FAM91A1: variants seen among roughly 807,000 people sequenced by gnomAD.
FAM91A1 encodes family with sequence similarity 91 member A1.
A neutral mutation model predicts 113.5 loss-of-function variants in FAM91A1; 41 were observed. That is an observed-to-expected ratio of 0.36 (90% confidence interval 0.28 to 0.47). FAM91A1 has a LOEUF of 0.47. Ranked by LOEUF, FAM91A1 falls within the 20% of genes least tolerant of loss-of-function variation. The pLI is 1.00. For synonymous variants in FAM91A1, 307 were observed against 347.9 expected (o/e 0.88, Z 1.31); for missense variants, 696 against 1,001.2 (o/e 0.70, Z 4.11).
intron 1 of FAM91A1, among the ~76,000 whole-genome samples, chr8:123,770,531 T>G (rs911342471): frequency 4.6e-5 from 7 of 152,158 alleles, no homozygotes; most frequent in Non-Finnish European, 1.5e-5. Context: ...TAAAGGACAC[T>G]TTTGTACTTT....
intron 16 of FAM91A1, 104 bp downstream of exon 16, chr8:123,798,342 GA>G (rs1443375968): frequency 1.5e-6 from 2 of 1,339,734 alleles, no homozygotes; most frequent in Non-Finnish European, 2.0e-6. Context: ...CTGAATCATA[GA>G]AAGCAATTTT....
intron 23 of FAM91A1, among the ~76,000 whole-genome samples, chr8:123,811,870 GT>G (rs1192922137): frequency 1.3e-5 from 2 of 151,926 alleles, no homozygotes; most frequent in Admixed American, 1.3e-4. Flanking sequence ...TTTTTTGTTT[GT>G]TTGTTTTGTT....
At chr8:123,810,243 T>C (rs779600898) in intron 22 of FAM91A1, 39 bp from the exon 23 acceptor site, 2 of 1,576,592 alleles carry the variant, frequency 1.3e-6, no homozygotes, top group South Asian at 2.4e-5. Flanking sequence ...CTTGCCTTTA[T>C]GTTTGTTTTA....
intron 18 of FAM91A1, among the ~76,000 whole-genome samples, chr8:123,804,205 C>T (rs763858551): frequency 1.7e-4 from 25 of 151,476 alleles, no homozygotes; most frequent in South Asian, 2.1e-4. Context: ...AGGTGTAGAG[C>T]CTGGGCGCGG....
At chr8:123,800,210 G>A (rs1815640286) in intron 18 of FAM91A1, among the ~76,000 whole-genome samples, 1 of 151,772 alleles carries the variant, frequency 6.6e-6, no homozygotes, top group Non-Finnish European at 1.5e-5. Flanking sequence ...CCCAGGGGTT[G>A]CCTGAAACCA....
chr8:123,781,229 A>G (rs544820347), intron 8 of FAM91A1, among the ~76,000 whole-genome samples: 2 of 152,152 alleles, frequency 1.3e-5, no homozygotes, highest in East Asian at 1.9e-4. Context: ...TCTTTTAACT[A>G]TTGTTCTTGT....
rs372640947 is a variant in FAM91A1, at chr8:123,806,146, A to G, written c.1949A>G (p.Gln650Arg). Residue 650 changes from glutamine to arginine, a missense_variant, in exon 20 of 24, where the codon CAG (glutamine) becomes CGG (arginine). Transcript: ENST00000334705. ...ATACTAAGGAACAGAGTGGACTTACAGCATCTCTGTGGATATGTCACCATG... is the reference window on the plus strand; with the variant it reads ...ATACTAAGGAACAGAGTGGACTTACGGCATCTCTGTGGATATGTCACCATG... Reference protein sequence around the residue: ...LQILRNRVDLQHLCGYVTMLN... With the variant: ...LQILRNRVDLRHLCGYVTMLN... The G allele has an allele frequency of 5.6e-6, 9 of 1,613,502 alleles. No homozygotes were observed. The highest frequency in any genetic ancestry group is 6.8e-6 in the Non-Finnish European group (8 of 1,179,620).
chr8:123,781,231 T>C (rs953596872), intron 8 of FAM91A1, among the ~76,000 whole-genome samples: 1 of 152,200 alleles, frequency 6.6e-6, no homozygotes, highest in Admixed American at 6.5e-5. Context: ...TTTTAACTAT[T>C]GTTCTTGTGT....
chr8:123,772,890 C>T (rs1814889218), intron 1 of FAM91A1, among the ~76,000 whole-genome samples: 1 of 152,228 alleles, frequency 6.6e-6, no homozygotes, highest in East Asian at 1.9e-4. Context: ...ATAATATTTT[C>T]TAGTCATTAA....
At position 123,809,107 on chromosome 8, in the gene FAM91A1, G is replaced by T. The variant is rs537986983; in HGVS notation, c.2261+91G>T. Reference sequence around the variant, plus strand: ...TATCTTACTTTTATTCCACACATGAGCACAGTAATTGTTCTGTATATATTT... The same window carrying T: ...TATCTTACTTTTATTCCACACATGATCACAGTAATTGTTCTGTATATATTT... On this transcript the variant is annotated intron_variant, in intron 22 of 23. Coordinates refer to ENST00000334705, the MANE Select transcript of FAM91A1 (RefSeq NM_144963.4). 114 of 1,522,776 alleles carry T rather than the reference G, an allele frequency of 7.5e-5. No individual in the cohort carries two copies. In the African/African-American group the frequency reaches 1.1e-3, roughly 15 times the overall value. The allele number at this position is 1,522,776 out of a possible 1,614,324, so 94.3% of individuals were successfully genotyped here. A position where few individuals can be genotyped will look rare whatever the true frequency, so the allele number is the denominator to read the frequency against.
At position 123,778,017 on chromosome 8, in the gene FAM91A1, T is replaced by C. The variant is rs754792334; in HGVS notation, c.368-8T>C. ...AAATGTTTTTAAAGGAAAGACTCTT[T>C]TTTTCAGGTCTAAGGCTTCTTGGCA... On this transcript the variant is annotated splice_region_variant and splice_polypyrimidine_tract_variant and intron_variant, in intron 4 of 23. Transcript: ENST00000334705. 1 of 1,610,356 alleles carries C rather than the reference T, an allele frequency of 6.2e-7. No individual in the cohort carries two copies. The highest frequency in any genetic ancestry group is 1.1e-5 in the South Asian group (1 of 90,828).
chr8:123,791,031 T>C (rs1004172216), intron 15 of FAM91A1, among the ~76,000 whole-genome samples: 1 of 152,206 alleles, frequency 6.6e-6, no homozygotes, highest in African/African-American at 2.4e-5. Context: ...TCTGGGACTT[T>C]TTAGTGATTT....
intron 7 of FAM91A1, 35 bp from the exon 8 acceptor site, chr8:123,780,445 G>A (rs1340601161): frequency 2.0e-6 from 3 of 1,511,210 alleles, no homozygotes; most frequent in Non-Finnish European, 2.7e-6. Flanking sequence ...GTTGTGTAGT[G>A]TTCCATCTAA....
chr8:123,790,625 C>G (rs1359769449), intron 15 of FAM91A1, among the ~76,000 whole-genome samples: 2 of 152,196 alleles, frequency 1.3e-5, no homozygotes, highest in Admixed American at 1.3e-4. Flanking sequence ...CATTTATTCT[C>G]TCACTAGCAT....
intron 23 of FAM91A1, 105 bp downstream of exon 23, chr8:123,810,456 A>T (rs1168588430): frequency 1.9e-6 from 2 of 1,031,766 alleles, no homozygotes; most frequent in Non-Finnish European, 3.0e-6. Context: ...ATATGAAATA[A>T]ACATTAATTT....
At chr8:123,807,163 A>C (rs1426912727) in intron 20 of FAM91A1, among the ~76,000 whole-genome samples, 1 of 151,682 alleles carries the variant, frequency 6.6e-6, no homozygotes, top group Non-Finnish European at 1.5e-5. Flanking sequence ...ATAGGTACTT[A>C]CTCCTATCTC....
chr8:123,791,968 A>ATCCT lies in FAM91A1; in HGVS notation c.1411+2223_1411+2224insTCCT, dbSNP rs574673391. ...GGCAGGCGGTTCACTTGAGGTCAGG[A>ATCCT]GTTCAACACCAGCATGGCCAACATG... On this transcript the variant is annotated intron_variant, in intron 15 of 23. Transcript: ENST00000334705. Among the ~76,000 whole-genome samples the ATCCT allele has an allele frequency of 6.6e-5, 10 of 152,242 alleles. No individual in the cohort carries two copies. The East Asian group carries it at 1.9e-3, about 29-fold the overall frequency.
chr8:123,808,418 C>G (rs1389563501), intron 21 of FAM91A1, 42 bp downstream of exon 21: 2 of 1,535,838 alleles, frequency 1.3e-6, no homozygotes, highest in Non-Finnish European at 1.8e-6. Context: ...AGACTAATTT[C>G]TGAGGTTTAA....
Position 123,780,035 on chromosome 8 carries a change from C to G in FAM91A1, c.600C>G (p.Gly200=). Reference sequence around the variant, plus strand: ...CTGTTGATAAGATCATCGATTCAGGCCCTCAACTCTCTGGATCACTAGATT... The same window carrying G: ...CTGTTGATAAGATCATCGATTCAGGGCCTCAACTCTCTGGATCACTAGATT... The part of the protein sequence containing the change: ...KCAVDKIIDS[G]PQLSGSLDYN... Residue 200 remains glycine, a synonymous_variant, in exon 7 of 24, where the codon GGC becomes GGG. Transcript: ENST00000334705. 6.2e-7 allele frequency: 1 copy of G among 1,613,374 alleles called. No individual in the cohort carries two copies. Among genetic ancestry groups the G allele is most frequent in the Non-Finnish European group, 8.5e-7 (1 of 1,179,564 alleles).
Sources: gnomAD v4.1 joint callset for allele counts (sites outside exome capture counted in the v4.1 genomes callset) on GRCh38, gnomAD v4.1.1 for gene constraint, MANE v1.5 for transcripts, NCBI Gene and HGNC (gene_info 2026-07-23, HGNC 2026-07-21) for gene names.